RAPGEF4: variants seen among roughly 807,000 people sequenced by gnomAD.
The protein encoded by RAPGEF4 is Rap guanine nucleotide exchange factor 4, also known as RAP guanine-nucleotide-exchange factor (GEF) 4.
In RAPGEF4, 66 loss-of-function variants were observed where a neutral mutation model predicts 147.9. The ratio of observed to expected loss-of-function variants is 0.45; its 90% CI spans 0.37 to 0.55. The LOEUF (loss-of-function observed/expected upper bound fraction) is 0.55. Among genes scored for constraint, RAPGEF4 ranks in the 20% least tolerant of loss-of-function variants. The pLI is 0.00. For synonymous variants in RAPGEF4, 419 were observed against 442.7 expected (o/e 0.95, Z 0.67); for missense variants, 1,071 against 1,257.3 (o/e 0.85, Z 2.24).
Position 173,020,791 on chromosome 2 carries a change from T to G in RAPGEF4, c.2253+76T>G, listed in dbSNP as rs948321001. Reference sequence around the variant, plus strand: ...CTGGAGCCTAATTTTGCAGTCACACTGAACCCAGTGGCTAAAAAATCTTGA... The same window carrying G: ...CTGGAGCCTAATTTTGCAGTCACACGGAACCCAGTGGCTAAAAAATCTTGA... On this transcript the variant is annotated intron_variant, in intron 23 of 30. Coordinates refer to ENST00000397081, the MANE Select transcript of RAPGEF4 (RefSeq NM_007023.4). The G allele has an allele frequency of 2.6e-5, 29 of 1,131,618 alleles. No homozygotes were observed. The Admixed American group carries it at 6.2e-4, about 24-fold the overall frequency. The allele number at this position is 1,131,618 out of a possible 1,614,324, so 70.1% of individuals were successfully genotyped here.
chr2:172,744,817 G>GTT (rs36094379), intron 1 of RAPGEF4, among the ~76,000 whole-genome samples: 2 of 150,214 alleles, frequency 1.3e-5, no homozygotes, highest in African/African-American at 4.9e-5. Flanking sequence ...TCATGTAGTT[G>GTT]TTTTTTTTTA....
chr2:173,005,472 G>T (rs1293636480), intron 17 of RAPGEF4, among the ~76,000 whole-genome samples: 1 of 148,856 alleles, frequency 6.7e-6, no homozygotes, highest in African/African-American at 2.5e-5. Flanking sequence ...CAAATGTAAA[G>T]CAAAAAAGTC....
chr2:172,759,531 A>T (rs1696094376), intron 1 of RAPGEF4, among the ~76,000 whole-genome samples: 1 of 152,198 alleles, frequency 6.6e-6, no homozygotes, highest in South Asian at 2.1e-4. Flanking sequence ...GAAGCAAATG[A>T]TCACAGCTGA....
At chr2:172,984,517 T>G (rs1692028053) in intron 11 of RAPGEF4, among the ~76,000 whole-genome samples, 1 of 152,174 alleles carries the variant, frequency 6.6e-6, no homozygotes, top group African/African-American at 2.4e-5. Flanking sequence ...CTGGCACCAC[T>G]GAGGGTCTTG....
At chr2:173,047,740 G>T (rs987967536) in intron 29 of RAPGEF4, among the ~76,000 whole-genome samples, 1 of 151,498 alleles carries the variant, frequency 6.6e-6, no homozygotes, top group South Asian at 2.1e-4. Context: ...GCAGTGGCGC[G>T]ATCTCGGCTC....
intron 3 of RAPGEF4, among the ~76,000 whole-genome samples, chr2:172,800,781 C>A (rs1686898357): frequency 6.6e-6 from 1 of 152,202 alleles, no homozygotes; most frequent in Non-Finnish European, 1.5e-5. Flanking sequence ...GGGTAATCAA[C>A]TTTAAGGTCT....
chr2:172,833,361 T>C (rs773925279), intron 4 of RAPGEF4, among the ~76,000 whole-genome samples: 4 of 151,826 alleles, frequency 2.6e-5, no homozygotes, highest in African/African-American at 7.3e-5. Flanking sequence ...ACGCATTTTA[T>C]GGATGTTATA....
intron 4 of RAPGEF4, among the ~76,000 whole-genome samples, chr2:172,818,139 G>T (rs1326992298): frequency 6.6e-6 from 1 of 151,500 alleles, no homozygotes; most frequent in Non-Finnish European, 1.5e-5. Flanking sequence ...AAGCTATGAG[G>T]ATGCAAAGGC....
At chr2:172,941,079 C>A (rs578024568) in intron 6 of RAPGEF4, among the ~76,000 whole-genome samples, 3 of 152,220 alleles carry the variant, frequency 2.0e-5, no homozygotes, top group East Asian at 3.9e-4. Context: ...TATCCTATGA[C>A]CTTATACTTA....
intron 6 of RAPGEF4, 53 bp from the exon 7 acceptor site, chr2:172,960,707 C>A: frequency 1.5e-6 from 2 of 1,345,312 alleles, no homozygotes; most frequent in Non-Finnish European, 2.1e-6. Flanking sequence ...CCATAATTTT[C>A]TTCAGTGAAC....
At chr2:172,912,611 G>GC (rs1359963890) in intron 4 of RAPGEF4, among the ~76,000 whole-genome samples, 2 of 152,114 alleles carry the variant, frequency 1.3e-5, no homozygotes, top group South Asian at 4.1e-4. Context: ...TTTGAACTCT[G>GC]CAAGTCCTAG....
chr2:172,769,836 C>T (rs1456198615), intron 1 of RAPGEF4, among the ~76,000 whole-genome samples: 1 of 152,038 alleles, frequency 6.6e-6, no homozygotes, highest in Non-Finnish European at 1.5e-5. Flanking sequence ...AACTGAAATT[C>T]ATTTATCTGA....
At chr2:172,834,611 C>A (rs1032674135) in intron 4 of RAPGEF4, among the ~76,000 whole-genome samples, 1 of 151,910 alleles carries the variant, frequency 6.6e-6, no homozygotes, top group Non-Finnish European at 1.5e-5. Flanking sequence ...CTGCTTTTTT[C>A]TTCTTCTTCT....
intron 6 of RAPGEF4, among the ~76,000 whole-genome samples, chr2:172,925,587 TAC>T (rs10534191): frequency 0.7 from 102,700 of 146,884 alleles, 36,358 homozygotes; most frequent in East Asian, 0.8. Context: ...ACTCTGTCTG[TAC>T]ACACACACAC....
chr2:172,782,864 G>T (rs1386243524), intron 1 of RAPGEF4, among the ~76,000 whole-genome samples: 1 of 152,160 alleles, frequency 6.6e-6, no homozygotes, highest in East Asian at 1.9e-4. Flanking sequence ...TCCCCGTTTG[G>T]CTGGGGTCTG....
At chr2:172,851,992 G>A (rs968479023) in intron 4 of RAPGEF4, among the ~76,000 whole-genome samples, 23 of 152,070 alleles carry the variant, frequency 1.5e-4, no homozygotes, top group African/African-American at 4.8e-4. Context: ...CTGTAAATAC[G>A]ATTATGCAAA....
At chr2:172,977,780 G>T (rs190555859) in intron 10 of RAPGEF4, among the ~76,000 whole-genome samples, 1 of 152,284 alleles carries the variant, frequency 6.6e-6, no homozygotes, top group Non-Finnish European at 1.5e-5. Flanking sequence ...TTTGCTAGCT[G>T]TGTATATACT....
intron 15 of RAPGEF4, among the ~76,000 whole-genome samples, chr2:172,994,451 T>C (rs953490211): frequency 3.3e-5 from 5 of 152,230 alleles, no homozygotes; most frequent in Non-Finnish European, 5.9e-5. Context: ...TTACTAACTC[T>C]GTGACCTGAG....
chr2:172,803,389 C>T (rs2149572623), intron 3 of RAPGEF4, among the ~76,000 whole-genome samples: 1 of 152,352 alleles, frequency 6.6e-6, no homozygotes, highest in East Asian at 1.9e-4. Flanking sequence ...TTGGGGCTTG[C>T]ACCCTCTGAA....
Sources: allele counts gnomAD v4.1 joint callset (sites outside exome capture counted in the v4.1 genomes callset), GRCh38; gene constraint gnomAD v4.1.1; transcripts MANE v1.5; gene names NCBI Gene and HGNC (gene_info 2026-07-23, HGNC 2026-07-21).